The following EPC2 variants were observed in gnomAD, a reference collection of about 807,000 sequenced individuals.
EPC2 encodes the protein enhancer of polycomb homolog 2.
A neutral mutation model predicts 92.1 loss-of-function variants in EPC2; 14 were observed. That is an observed-to-expected ratio of 0.15 (90% CI 0.10 to 0.24). The LOEUF is 0.24. Among genes scored for constraint, EPC2 ranks in the 10% least tolerant of loss-of-function variants. EPC2 has a pLI of 1.00. For missense variants in EPC2, 755 were observed against 971.5 expected (o/e 0.78, Z 2.96); for synonymous variants, 340 against 334.7 (o/e 1.02, Z -0.17).
At chr2:148,769,080 A>G (rs1230168499) in intron 7 of EPC2, 71 bp from the exon 8 acceptor site, 40 of 978,368 alleles carry the variant, frequency 4.1e-5, no homozygotes, top group Non-Finnish European at 6.1e-5. Context: ...TCAGATTTAC[A>G]TTTTAGAGTA....
Position 148,779,899 on chromosome 2 carries a change from C to A in EPC2, c.1721-1745C>A, listed in dbSNP as rs574360051. On this transcript the variant is annotated intron_variant, in intron 10 of 13. Coordinates refer to ENST00000258484, the MANE Select transcript of EPC2 (RefSeq NM_015630.4). ...GAATTGGTGCACTGTACACATGGGACTTAAACAGATTTATTTGGGTTTAAT... is the reference window on the plus strand; with the variant it reads ...GAATTGGTGCACTGTACACATGGGAATTAAACAGATTTATTTGGGTTTAAT... 4.6e-5 allele frequency among the ~76,000 whole-genome samples: 7 copies of A among 152,272 alleles called. No individual in the cohort carries two copies. In the South Asian group the frequency reaches 1.5e-3, roughly 32 times the overall value.
In EPC2 at chr2:148,653,888, C is replaced by A. The variant is rs1290637571; in HGVS notation, c.153+8718C>A. 3.9e-5 allele frequency among the ~76,000 whole-genome samples: 6 copies of A among 151,916 alleles called. No individual in the cohort carries two copies. The East Asian group carries it at 1.2e-3, about 29-fold the overall frequency. Reference sequence around the variant, plus strand: ...GTAAATTACTTAACCTCATTGAGCCCCATTTCCTCATCTGTTTAATAAGTA... The same window carrying A: ...GTAAATTACTTAACCTCATTGAGCCACATTTCCTCATCTGTTTAATAAGTA... On this transcript the variant is annotated intron_variant, in intron 1 of 13. Coordinates refer to ENST00000258484, the MANE Select transcript of EPC2 (RefSeq NM_015630.4).
intron 13 of EPC2, 85 bp downstream of exon 13, chr2:148,785,086 G>A (rs1241271850): frequency 1.8e-6 from 2 of 1,097,234 alleles, no homozygotes; most frequent in Non-Finnish European, 1.3e-6. Context: ...CACTGCTCAA[G>A]CAATAGGTGT....
chr2:148,706,029 A>G (rs1314549456), intron 2 of EPC2, among the ~76,000 whole-genome samples: 1 of 152,230 alleles, frequency 6.6e-6, no homozygotes, highest in African/African-American at 2.4e-5. Flanking sequence ...TAGGCTTCAG[A>G]AAGTCGGTAA....
chr2:148,700,188 A>G (rs896238436), intron 2 of EPC2, among the ~76,000 whole-genome samples: 1 of 152,114 alleles, frequency 6.6e-6, no homozygotes, highest in Admixed American at 6.6e-5. Flanking sequence ...TTCATTCACT[A>G]ACAGTGTCTT....
chr2:148,651,286 C>A (rs1374978174), intron 1 of EPC2, among the ~76,000 whole-genome samples: 1 of 152,202 alleles, frequency 6.6e-6, no homozygotes, highest in Admixed American at 6.5e-5. Context: ...ATTTCCTATT[C>A]TTCCTGCTAA....
chr2:148,679,793 G>C (rs1409810508), intron 1 of EPC2, among the ~76,000 whole-genome samples: 1 of 152,056 alleles, frequency 6.6e-6, no homozygotes. Context: ...CCACTGATGT[G>C]AGCCACCACA....
chr2:148,738,786 A>C (rs1449255710), intron 2 of EPC2, among the ~76,000 whole-genome samples: 1 of 152,208 alleles, frequency 6.6e-6, no homozygotes, highest in Admixed American at 6.5e-5. Context: ...CTTTGAAACT[A>C]ATTGATAAAT....
Position 148,786,418 on chromosome 2 carries a change from T to C in EPC2, c.*41T>C. On this transcript the variant is annotated 3_prime_UTR_variant, in exon 14 of 14. Coordinates refer to ENST00000258484, the MANE Select transcript of EPC2 (RefSeq NM_015630.4). ...TCTGACCTGTGCTGATGGTGTGCAG[T>C]CATTCATATTCCAGCTGAATGCAAA... 3 of 1,509,478 alleles carry C rather than the reference T, an allele frequency of 2.0e-6. No homozygotes were observed. Among genetic ancestry groups the C allele is most frequent in the Non-Finnish European group, 2.7e-6 (3 of 1,097,766 alleles). The allele number at this position is 1,509,478 out of a possible 1,614,324, so 93.5% of individuals were successfully genotyped here. A position where few individuals can be genotyped will look rare whatever the true frequency, so the allele number is the denominator to read the frequency against.
At chr2:148,698,043 C>CA (rs1168828005) in intron 2 of EPC2, among the ~76,000 whole-genome samples, 197 of 129,534 alleles carry the variant, frequency 1.5e-3, no homozygotes, top group Non-Finnish European at 2.4e-3. Flanking sequence ...TGTTAACAAA[C>CA]AAAAAAAAAA....
At chr2:148,703,034 G>A (rs1681920530) in intron 2 of EPC2, among the ~76,000 whole-genome samples, 1 of 152,086 alleles carries the variant, frequency 6.6e-6, no homozygotes, top group African/African-American at 2.4e-5. Flanking sequence ...CACTATGGGT[G>A]ATACATGTGT....
intron 1 of EPC2, among the ~76,000 whole-genome samples, chr2:148,646,518 T>C (rs944554758): frequency 9.9e-5 from 15 of 152,036 alleles, no homozygotes; most frequent in African/African-American, 3.1e-4. Context: ...TGTGTGCATA[T>C]ATATAAATAT....
Position 148,690,952 on chromosome 2 carries a change from C to T in EPC2, c.313+579C>T, listed in dbSNP as rs778350425. On this transcript the variant is annotated intron_variant, in intron 2 of 13. Transcript: ENST00000258484. ...TGCTGGGATTACAGGTGTGAGCTAC[C>T]GCGCCCACCTGAGATTTACTTTTAA... Among the ~76,000 whole-genome samples, 7 of 152,238 alleles carry T rather than the reference C, an allele frequency of 4.6e-5. 2 individuals are homozygous for T. The highest frequency in any genetic ancestry group is 1.3e-4 in the Admixed American group (2 of 15,286).
At chr2:148,665,464 T>G (rs1681038807) in intron 1 of EPC2, among the ~76,000 whole-genome samples, 1 of 152,202 alleles carries the variant, frequency 6.6e-6, no homozygotes, top group African/African-American at 2.4e-5. Context: ...ACCGTGGTCT[T>G]ACTTAGCATT....
rs1253932782 is a variant in EPC2 at position 148,721,245 on chromosome 2, TTGTC to T, written c.314-22374_314-22371del. ...TGGCAACAAAGTCCTCAATTTTTAT[TTGTC>T]TGAGAAAGTTTTTATTTCTCCTTCA... On this transcript the variant is annotated intron_variant, in intron 2 of 13. Coordinates refer to ENST00000258484, the MANE Select transcript of EPC2 (RefSeq NM_015630.4). 5.9e-5 allele frequency among the ~76,000 whole-genome samples: 9 copies of T among 152,242 alleles called. No homozygotes were observed. The South Asian group carries it at 1.7e-3, about 28-fold the overall frequency.
chr2:148,665,648 GA>G (rs1681041894), intron 1 of EPC2, among the ~76,000 whole-genome samples: 1 of 152,094 alleles, frequency 6.6e-6, no homozygotes, highest in Non-Finnish European at 1.5e-5. Flanking sequence ...TGATGTTTAG[GA>G]TAACAGTTTT....
At position 148,682,563 on chromosome 2, in the gene EPC2, G is replaced by GT. The variant is rs200936998; in HGVS notation, c.154-7643dup. 2.0e-4 allele frequency among the ~76,000 whole-genome samples: 30 copies of GT among 152,034 alleles called. No homozygotes were observed. The East Asian group carries it at 4.2e-3, about 21-fold the overall frequency. Reference sequence around the variant, plus strand: ...ATACATAATCTTATTATTGTATAGAGTTTTTTTTGGGAGGAAAGTTGCAGA... The same window carrying GT: ...ATACATAATCTTATTATTGTATAGAGTTTTTTTTTGGGAGGAAAGTTGCAGA... On this transcript the variant is annotated intron_variant, in intron 1 of 13. Coordinates refer to ENST00000258484, the MANE Select transcript of EPC2 (RefSeq NM_015630.4).
At chr2:148,779,576 C>T (rs1574639647) in intron 10 of EPC2, among the ~76,000 whole-genome samples, 1 of 152,144 alleles carries the variant, frequency 6.6e-6, no homozygotes, top group South Asian at 2.1e-4. Context: ...GAGCAAGACT[C>T]TGTCTCCAAA....
At position 148,694,771 on chromosome 2, in the gene EPC2, G is replaced by A. The variant is rs933438100; in HGVS notation, c.313+4398G>A. Among the ~76,000 whole-genome samples, 9 of 151,924 alleles carry A rather than the reference G, an allele frequency of 5.9e-5. No individual in the cohort carries two copies. The South Asian group carries it at 1.5e-3, about 25-fold the overall frequency. On this transcript the variant is annotated intron_variant, in intron 2 of 13. Coordinates refer to ENST00000258484, the MANE Select transcript of EPC2 (RefSeq NM_015630.4). ...AGGAACTTAACATTCTCCTCCCCCC[G>A]CCCAAACCCTGGTGACGGAATCTTG...
Sources: allele counts gnomAD v4.1 joint callset (sites outside exome capture counted in the v4.1 genomes callset), GRCh38; gene constraint gnomAD v4.1.1; transcripts MANE v1.5; gene names NCBI Gene and HGNC (gene_info 2026-07-23, HGNC 2026-07-21).